Variants in TGM4 observed in about 807,000 individuals in gnomAD.
TGM4 encodes protein-glutamine gamma-glutamyltransferase 4.
Under a neutral mutation model 76.3 loss-of-function variants are expected in TGM4, and 61 were observed. The ratio of observed to expected loss-of-function variants is 0.80; its 90% confidence interval spans 0.65 to 0.99. The LOEUF (loss-of-function observed/expected upper bound fraction) is 0.99. Among genes scored for constraint, TGM4 ranks in the 50% least tolerant of loss-of-function variants. TGM4 has a pLI of 0.00. For synonymous variants in TGM4, 337 were observed against 329.8 expected, an observed-to-expected ratio of 1.02 and a Z score of -0.24; for missense variants, 794 against 843.2, an observed-to-expected ratio of 0.94 and a Z score of 0.72.
At position 44,913,984 on chromosome 3, in the gene TGM4, A is replaced by G; in HGVS notation, c.*259A>G. ...ATCCCTTTCCTGAGTCATGGCCTCA[A>G]AAATCAGGGCCACCATTGTCTCAAT... On this transcript the variant is annotated 3_prime_UTR_variant, in exon 14 of 14. Transcript: ENST00000296125. 4 of 392,786 alleles carry G rather than the reference A, an allele frequency of 1.0e-5. No homozygotes were observed. The highest frequency in any genetic ancestry group is 1.4e-5 in the Non-Finnish European group (3 of 221,214). The allele number at this position is 392,786 out of a possible 1,614,324, so 24.3% of individuals were successfully genotyped here. A position where few individuals can be genotyped will look rare whatever the true frequency, so the allele number is the denominator to read the frequency against.
At chr3:44,912,161 T>A (rs1226121069) in intron 13 of TGM4, among the ~76,000 whole-genome samples, 2 of 152,242 alleles carry the variant, frequency 1.3e-5, no homozygotes, top group African/African-American at 2.4e-5. Flanking sequence ...AACACTAAGA[T>A]GTCTTTCACC....
At position 44,901,804 on chromosome 3, in the gene TGM4, T is replaced by C; in HGVS notation, c.844T>C (p.Leu282=). 6.2e-7 allele frequency: 1 copy of C among 1,614,094 alleles called. No individual in the cohort carries two copies. Residue 282 remains leucine (L), a synonymous_variant, in exon 8 of 14, where the codon TTG becomes CTG. Transcript: ENST00000296125. ...CTGGATCATTTCAGTGCTGAGAGCGTTGGGCATCCCAGCACGCAGTGTGAC... is the reference window on the plus strand; with the variant it reads ...CTGGATCATTTCAGTGCTGAGAGCGCTGGGCATCCCAGCACGCAGTGTGAC... ...AGILTTVLRA[L]GIPARSVTGF...
intron 3 of TGM4, chr3:44,888,022 C>A (rs1368110353): frequency 1.9e-6 from 1 of 532,790 alleles, no homozygotes; most frequent in African/African-American, 1.9e-5. Flanking sequence ...TCACCCTTCC[C>A]CTTTCCATTT....
intron 1 of TGM4, among the ~76,000 whole-genome samples, chr3:44,881,757 G>A (rs867978355): frequency 2.0e-5 from 3 of 152,196 alleles, no homozygotes; most frequent in East Asian, 1.9e-4. Context: ...AACTCCAAAA[G>A]TATATCGCCA....
In TGM4 at chr3:44,910,185, A is replaced by T. The variant is rs61731538; in HGVS notation, c.1423A>T (p.Met475Leu). The T allele has an allele frequency of 3.7e-6, 6 of 1,614,050 alleles. No homozygotes were observed. Among genetic ancestry groups the T allele is most frequent in the Non-Finnish European group, 5.1e-6 (6 of 1,180,036 alleles). The change falls in exon 11 of 14, where the codon ATG (methionine) becomes TTG (leucine). Residue 475 changes from methionine to leucine, a missense_variant. By Grantham distance (15) the Met-to-Leu change is conservative (BLOSUM62 2). Coordinates refer to ENST00000296125, the MANE Select transcript of TGM4 (RefSeq NM_003241.4). ...RRPVKENFLHMSVQSDDVLLG... is the reference protein window; with the variant it reads ...RRPVKENFLHLSVQSDDVLLG... ...ACCTGTAAAAGAGAACTTTCTTCACATGTCGGTACAATCAGATGATGTGCT... is the reference window on the plus strand; with the variant it reads ...ACCTGTAAAAGAGAACTTTCTTCACTTGTCGGTACAATCAGATGATGTGCT...
At chr3:44,891,986 C>T (rs113482651) in intron 4 of TGM4, among the ~76,000 whole-genome samples, 13,626 of 137,378 alleles carry the variant, frequency 0.099, 701 homozygotes, top group South Asian at 0.19. Context: ...AGGCCAGGCG[C>T]GGTGGCTCAT....
chr3:44,903,764 C>T, intron 8 of TGM4, 120 bp from the exon 9 acceptor site: 1 of 921,314 alleles, frequency 1.1e-6, no homozygotes. Context: ...GTTCCCAAAC[C>T]CCTGAGAACA....
chr3:44,893,652 G>T lies in TGM4; in HGVS notation c.506G>T (p.Gly169Val), dbSNP rs758907365. 5.0e-6 allele frequency: 8 copies of T among 1,613,880 alleles called. No individual in the cohort carries two copies. The change falls in exon 5 of 14, where the codon GGG becomes GTG. Residue 169 changes from glycine (G) to valine (V), a missense_variant. By Grantham distance (109) the Gly-to-Val change is moderately radical (BLOSUM62 -3). Transcript: ENST00000296125. ...ILNDTGCHYV[G>V]AARSIKCKPW... ...AATGACACGGGCTGCCATTACGTGG[G>T]GGCTGCCAGAAGTATCAAATGCAAA...
chr3:44,900,259 C>T (rs1211354324), intron 6 of TGM4, among the ~76,000 whole-genome samples: 1 of 152,236 alleles, frequency 6.6e-6, no homozygotes, highest in African/African-American at 2.4e-5. Flanking sequence ...CGGACCAGGG[C>T]AGTGGCTGGG....
At chr3:44,884,957 G>T (rs1010436043) in intron 1 of TGM4, among the ~76,000 whole-genome samples, 2 of 152,200 alleles carry the variant, frequency 1.3e-5, no homozygotes, top group African/African-American at 2.4e-5. Flanking sequence ...CTGCAGAGAG[G>T]GGGAGTTGGG....
intron 9 of TGM4, among the ~76,000 whole-genome samples, chr3:44,904,529 G>A (rs1699897918): frequency 6.6e-6 from 1 of 152,162 alleles, no homozygotes; most frequent in Non-Finnish European, 1.5e-5. Context: ...TTGTACAGCT[G>A]GGGAAGCAGA....
chr3:44,893,933 C>CGGCTCTCTCCCACCCCCCCT (rs1699739702), intron 5 of TGM4, among the ~76,000 whole-genome samples: 3 of 91,990 alleles, frequency 3.3e-5, no homozygotes, highest in East Asian at 5.4e-4. Flanking sequence ...ATCCACCCCA[C>CGGCTCTCTCCCACCCCCCCT]GGCTCTCTCC....
rs759347180 is a variant in TGM4 at position 44,913,613 on chromosome 3, C to A, written c.1943C>A (p.Ser648Tyr). The A allele has an allele frequency of 3.7e-6, 6 of 1,614,016 alleles. No individual in the cohort carries two copies. In the Admixed American group the frequency reaches 8.3e-5, roughly 22 times the overall value. ...GTVQPGETIQ[S>Y]QIKCTPIKTG... ...GTGCAGCCTGGTGAGACCATCCAAT[C>A]CCAAATAAAATGCACCCCAATAAAA... The change falls in exon 14 of 14, where the codon TCC becomes TAC. Residue 648 changes from serine to tyrosine, a missense_variant. Transcript: ENST00000296125.
At chr3:44,875,018 A>G (rs1290090469) in intron 1 of TGM4, among the ~76,000 whole-genome samples, 1 of 152,278 alleles carries the variant, frequency 6.6e-6, no homozygotes, top group African/African-American at 2.4e-5. Flanking sequence ...ACAGATAGAT[A>G]GACAAATATA....
intron 8 of TGM4, chr3:44,903,667 C>A (rs114922511): frequency 1.8e-6 from 1 of 570,536 alleles, no homozygotes; most frequent in African/African-American, 1.9e-5. Flanking sequence ...CAGCCCTGCC[C>A]CCTGCACACA....
intron 4 of TGM4, 51 bp from the exon 5 acceptor site, chr3:44,893,526 T>C: frequency 1.3e-6 from 2 of 1,529,226 alleles, no homozygotes; most frequent in East Asian, 2.3e-5. Flanking sequence ...GCAAGCCTGC[T>C]CCTGTCCCAG....
chr3:44,874,774 C>G, intron 1 of TGM4, 77 bp downstream of exon 1: 1 of 1,587,480 alleles, frequency 6.3e-7, no homozygotes, highest in Non-Finnish European at 8.6e-7. Context: ...TTGCCTCTGC[C>G]GGGTGCCTGG....
chr3:44,894,971 C>T (rs1005032106), intron 5 of TGM4, among the ~76,000 whole-genome samples: 6 of 152,054 alleles, frequency 3.9e-5, no homozygotes, highest in Non-Finnish European at 2.9e-5. Flanking sequence ...GAAGGAATCA[C>T]CTGAATCCTA....
At chr3:44,877,527 G>C (rs941579010) in intron 1 of TGM4, among the ~76,000 whole-genome samples, 22 of 152,000 alleles carry the variant, frequency 1.4e-4, no homozygotes, top group African/African-American at 5.1e-4. Context: ...TCAGGTTCAA[G>C]GCTGCAGTGA....
Sources: allele counts gnomAD v4.1 joint callset (sites outside exome capture counted in the v4.1 genomes callset), GRCh38; gene constraint gnomAD v4.1.1; transcripts MANE v1.5; gene names NCBI Gene and HGNC (gene_info 2026-07-23, HGNC 2026-07-21).